The following PAH variants were observed in gnomAD, a reference collection of about 807,000 sequenced individuals.
The protein encoded by PAH is phenylalanine hydroxylase.
A neutral mutation model predicts 62.0 loss-of-function variants in PAH; 64 were observed. That is an observed-to-expected ratio of 1.03 (90% CI 0.84 to 1.27). The LOEUF is 1.27. Ranked by LOEUF, PAH falls within the 50% of genes most tolerant of loss-of-function variation. The pLI is 0.00. For synonymous variants in PAH, 195 were observed against 196.2 expected (o/e 0.99, Z 0.05); for missense variants, 579 against 542.8 (o/e 1.07, Z -0.66).
At chr12:102,860,503 C>CG (rs1875667408) in intron 5 of PAH, among the ~76,000 whole-genome samples, 1 of 84,722 alleles carries the variant, frequency 1.2e-5, no homozygotes, top group African/African-American at 6.8e-5. Flanking sequence ...TCATATGGAA[C>CG]CAAAAATAGC....
chr12:102,945,214 G>C (rs1593004566), intron 1 of PAH: 1 of 152,698 alleles, frequency 6.5e-6, no homozygotes, highest in East Asian at 1.9e-4. Context: ...GACTTCACTG[G>C]GTCAGATCTG....
intron 3 of PAH, among the ~76,000 whole-genome samples, chr12:102,892,784 T>C (rs1321240077): frequency 1.3e-5 from 2 of 152,228 alleles, no homozygotes; most frequent in Non-Finnish European, 2.9e-5. Context: ...GGAAGGAGTC[T>C]GTAAAGAAGA....
upstream of PAH, chr12:102,917,633 G>T (rs1024058497): frequency 4.2e-5 from 9 of 213,330 alleles, no homozygotes; most frequent in Non-Finnish European, 7.6e-5. Flanking sequence ...TTAGATTTTT[G>T]TTGTTGTTGT....
intron 1 of PAH, chr12:102,946,699 C>G (rs189566722): frequency 6.6e-6 from 1 of 152,384 alleles, no homozygotes; most frequent in African/African-American, 2.4e-5. Flanking sequence ...TTAGGTGTCC[C>G]TTTCAGTGAT....
chr12:102,852,762 A>T, intron 7 of PAH, 53 bp downstream of exon 7: 5 of 1,612,224 alleles, frequency 3.1e-6, no homozygotes, highest in Non-Finnish European at 4.2e-6. Flanking sequence ...TTGCAGCAGG[A>T]AAAGATGGCG....
chr12:102,854,261 A>C (rs1423834634), intron 6 of PAH, among the ~76,000 whole-genome samples: 3 of 152,142 alleles, frequency 2.0e-5, no homozygotes, highest in African/African-American at 7.2e-5. Context: ...TCCCTGGCTC[A>C]TTGCCCCCAC....
chr12:102,881,273 A>G (rs1241385361), intron 3 of PAH, among the ~76,000 whole-genome samples: 5 of 151,146 alleles, frequency 3.3e-5, no homozygotes, highest in African/African-American at 1.2e-4. Flanking sequence ...CGGCCTCCCA[A>G]AGTTCTGGGA....
At chr12:102,897,465 G>GTGTATATATA (rs1491228677) in intron 2 of PAH, among the ~76,000 whole-genome samples, 1 of 93,970 alleles carries the variant, frequency 1.1e-5, no homozygotes, top group South Asian at 3.1e-4. Flanking sequence ...GTGTGTGTGT[G>GTGTATATATA]TATATATATA....
chr12:102,926,422 G>A (rs1205818411), intron 1 of PAH, among the ~76,000 whole-genome samples: 1 of 151,842 alleles, frequency 6.6e-6, no homozygotes, highest in African/African-American at 2.4e-5. Context: ...TTGGGGGGGC[G>A]GGTAAAGAGA....
chr12:102,905,796 G>C (rs1308329827), intron 2 of PAH, among the ~76,000 whole-genome samples: 2 of 147,574 alleles, frequency 1.4e-5, no homozygotes, highest in Non-Finnish European at 3.0e-5. Context: ...TCTCATTCCC[G>C]ACTTGGCATC....
At position 102,867,426 on chromosome 12, in the gene PAH, C is replaced by T. The variant is rs532910410; in HGVS notation, c.442-763G>A. 4.6e-5 allele frequency among the ~76,000 whole-genome samples: 7 copies of T among 152,280 alleles called. No homozygotes were observed. In the South Asian group the frequency reaches 6.2e-4, roughly 14 times the overall value. The stretch of plus-strand genomic sequence containing the variant: ...CAGTGATTTGTAAGCAGCACATTTC[C>T]GAGTGAAAGGAGGCTAAGTGTGTCT... On this transcript the variant is annotated intron_variant, in intron 4 of 12. Transcript: ENST00000553106.
At chr12:102,955,436 C>G (rs892515859), upstream of PAH, among the ~76,000 whole-genome samples, 5 of 152,158 alleles carry the variant, frequency 3.3e-5, no homozygotes, top group Non-Finnish European at 7.3e-5. Context: ...AGACTCGGGA[C>G]CTTTGTGAAG....
intron 1 of PAH, 68 bp downstream of exon 1, chr12:102,917,003 G>A (rs552616901): frequency 7.2e-7 from 1 of 1,385,982 alleles, no homozygotes; most frequent in South Asian, 1.2e-5. Flanking sequence ...AGCACCAGCA[G>A]TCTTCGGATC....
At position 102,866,615 on chromosome 12, in the gene PAH, T is replaced by C. The variant is rs199475647; in HGVS notation, c.490A>G (p.Ile164Val). Reference protein sequence around the residue: ...YRARRKQFADIAYNYRHGQPI... With the variant: ...YRARRKQFADVAYNYRHGQPI... ...ACTTACTGGCGGTAGTTGTAGGCAA[T>C]GTCAGCAAACTGCTTCCGTCTTGCA... Residue 164 changes from isoleucine (I) to valine (V), a missense_variant, in exon 5 of 13, where the codon ATT (isoleucine) becomes GTT (valine). Coordinates refer to ENST00000553106, the MANE Select transcript of PAH (RefSeq NM_000277.3). 1.3e-5 allele frequency: 21 copies of C among 1,613,666 alleles called. No individual in the cohort carries two copies. Among genetic ancestry groups the C allele is most frequent in the South Asian group, 4.4e-5 (4 of 91,082 alleles).
At chr12:102,932,666 A>G (rs1220335357) in intron 1 of PAH, among the ~76,000 whole-genome samples, 1 of 152,210 alleles carries the variant, frequency 6.6e-6, no homozygotes, top group African/African-American at 2.4e-5. Flanking sequence ...TATATAGAAC[A>G]TCTGCCTTTT....
chr12:102,850,197 A>G (rs1875083160), intron 8 of PAH, among the ~76,000 whole-genome samples: 1 of 152,228 alleles, frequency 6.6e-6, no homozygotes, highest in Admixed American at 6.5e-5. Context: ...TCTGAATGTC[A>G]TTGGTGATGC....
At chr12:102,947,348 G>A (rs868730579) in intron 1 of PAH, among the ~76,000 whole-genome samples, 34 of 152,064 alleles carry the variant, frequency 2.2e-4, no homozygotes, top group African/African-American at 8.0e-4. Context: ...AGGAGGGAAC[G>A]AGTTGAGGGA....
intron 2 of PAH, among the ~76,000 whole-genome samples, chr12:102,912,392 T>A (rs1303142887): frequency 6.6e-6 from 1 of 152,144 alleles, no homozygotes; most frequent in Non-Finnish European, 1.5e-5. Context: ...ATAAAAGAAT[T>A]AATATTTATT....
chr12:102,861,653 A>G lies in PAH; in HGVS notation c.509+4943T>C, dbSNP rs182848661. 5.9e-3 allele frequency among the ~76,000 whole-genome samples: 903 copies of G among 152,314 alleles called. 4 individuals are homozygous for G. Among genetic ancestry groups the G allele is most frequent in the Middle Eastern group, 0.024 (7 of 294 alleles). On this transcript the variant is annotated intron_variant, in intron 5 of 12. Transcript: ENST00000553106. ...ACACCATGGAATACTATGCAGCCAT[A>G]AAAAAGGATGAGTTCATGTCCTTTA...
Sources: gnomAD v4.1 joint callset for allele counts (sites outside exome capture counted in the v4.1 genomes callset) on GRCh38, gnomAD v4.1.1 for gene constraint, MANE v1.5 for transcripts, NCBI Gene and HGNC (gene_info 2026-07-23, HGNC 2026-07-21) for gene names.